EXOC6B: variants seen among roughly 807,000 people sequenced by gnomAD.
The protein encoded by EXOC6B is SEC15 homolog B.
In EXOC6B, 54 loss-of-function variants were observed where a neutral mutation model predicts 113.5. The ratio of observed to expected loss-of-function variants is 0.48; its 90% CI spans 0.38 to 0.60. The LOEUF (loss-of-function observed/expected upper bound fraction) is 0.60, where lower values mean the gene tolerates loss of function less well. Ranked by LOEUF, EXOC6B falls within the 20% of genes least tolerant of loss-of-function variation. The probability of loss-of-function intolerance (pLI) is 0.00; values close to 1 mark genes in which losing one functional copy is unlikely to be tolerated. For missense variants in EXOC6B, 797 were observed against 977.5 expected, an observed-to-expected ratio of 0.82 and a Z score of 2.46; for synonymous variants, 357 against 339.0, an observed-to-expected ratio of 1.05 and a Z score of -0.58.
chr2:72,668,377 G>A (rs1573588254), intron 6 of EXOC6B, among the ~76,000 whole-genome samples: 1 of 151,808 alleles, frequency 6.6e-6, no homozygotes, highest in East Asian at 1.9e-4. Flanking sequence ...AGAAGCAAGA[G>A]TTGAACTACC....
chr2:72,383,204 A>T (rs1451863050), intron 18 of EXOC6B, among the ~76,000 whole-genome samples: 2 of 152,178 alleles, frequency 1.3e-5, no homozygotes, highest in Non-Finnish European at 2.9e-5. Context: ...GAGAAAACAG[A>T]AAACCTACAG....
intron 20 of EXOC6B, among the ~76,000 whole-genome samples, chr2:72,258,262 TTGA>T (rs1683474365): frequency 6.6e-6 from 1 of 152,102 alleles, no homozygotes; most frequent in Admixed American, 6.6e-5. Flanking sequence ...AACGACAGGG[TTGA>T]TGTTTGTTTT....
At chr2:72,465,119 C>A (rs749243251) in intron 18 of EXOC6B, 41 bp downstream of exon 18, 34 of 1,445,992 alleles carry the variant, frequency 2.4e-5, no homozygotes, top group African/African-American at 1.9e-5. Flanking sequence ...ATAAGGAAAT[C>A]TTTTTATATA....
intron 19 of EXOC6B, among the ~76,000 whole-genome samples, chr2:72,375,800 A>G (rs1304596804): frequency 1.3e-5 from 2 of 152,236 alleles, no homozygotes; most frequent in Non-Finnish European, 2.9e-5. Context: ...AGAAAAAAAC[A>G]GTAAAGGTGG....
intron 6 of EXOC6B, among the ~76,000 whole-genome samples, chr2:72,692,714 T>C (rs148896866): frequency 4.7e-4 from 71 of 152,272 alleles, no homozygotes; most frequent in East Asian, 1.7e-3. Flanking sequence ...CTTTTAGTAA[T>C]TGACCCATTT....
chr2:72,823,477 AAC>A (rs1491106988), intron 1 of EXOC6B, among the ~76,000 whole-genome samples: 48 of 110,042 alleles, frequency 4.4e-4, no homozygotes, highest in African/African-American at 1.4e-3. Flanking sequence ...AAAAAAAAAA[AAC>A]AAAAAACAAA....
intron 18 of EXOC6B, among the ~76,000 whole-genome samples, chr2:72,459,652 T>C (rs1300419643): frequency 2.0e-5 from 3 of 152,048 alleles, no homozygotes; most frequent in East Asian, 1.9e-4. Flanking sequence ...TTACAAGGGA[T>C]GTGAAGGACC....
intron 18 of EXOC6B, chr2:72,461,707 G>A (rs547314916): frequency 6.6e-6 from 1 of 151,810 alleles, no homozygotes; most frequent in Non-Finnish European, 1.5e-5. Flanking sequence ...TTCTAAAAGG[G>A]GAATTACATA....
chr2:72,798,872 G>T (rs1234019649), intron 1 of EXOC6B, among the ~76,000 whole-genome samples: 1 of 151,962 alleles, frequency 6.6e-6, no homozygotes, highest in Non-Finnish European at 1.5e-5. Context: ...AACCCTGATG[G>T]TAATATGAGA....
At position 72,670,475 on chromosome 2, in the gene EXOC6B, G is replaced by C. The variant is rs1288577248; in HGVS notation, c.669+47628C>G. ...GGAATTCTGCAATATTTCTCAATTA[G>C]GTCTCTCTTTGTTTAATCAGGCCTA... On this transcript the variant is annotated intron_variant, in intron 6 of 21. Transcript: ENST00000272427. 2.0e-5 allele frequency among the ~76,000 whole-genome samples: 3 copies of C among 152,062 alleles called. No homozygotes were observed. The East Asian group carries it at 5.8e-4, about 29-fold the overall frequency.
intron 19 of EXOC6B, among the ~76,000 whole-genome samples, chr2:72,363,597 C>CTGATGATGATGA (rs565740332): frequency 1.2e-4 from 18 of 151,254 alleles, no homozygotes; most frequent in African/African-American, 4.4e-4. Context: ...ACTGCTGCTA[C>CTGATGATGATGA]TGATGATGAT....
intron 21 of EXOC6B, among the ~76,000 whole-genome samples, chr2:72,180,795 G>A (rs1678030755): frequency 6.6e-6 from 1 of 152,128 alleles, no homozygotes; most frequent in Non-Finnish European, 1.5e-5. Context: ...ATTTATGTTT[G>A]GTATATATGA....
chr2:72,377,675 C>T (rs532792471), intron 19 of EXOC6B, among the ~76,000 whole-genome samples: 22 of 152,190 alleles, frequency 1.4e-4, no homozygotes, highest in African/African-American at 5.1e-4. Context: ...TAGAAGTAGA[C>T]AGCAGAATGG....
chr2:72,824,801 T>A (rs1686800867), intron 1 of EXOC6B, among the ~76,000 whole-genome samples: 3 of 152,082 alleles, frequency 2.0e-5, no homozygotes, highest in Admixed American at 1.3e-4. Context: ...AAACTGGGCT[T>A]AGTGAGTAGT....
At chr2:72,532,572 G>C (rs1423361226) in intron 8 of EXOC6B, among the ~76,000 whole-genome samples, 1 of 152,152 alleles carries the variant, frequency 6.6e-6, no homozygotes, top group African/African-American at 2.4e-5. Context: ...CACTTTGGGA[G>C]GCCGAGGCGG....
chr2:72,465,421 T>C (rs543144695), intron 17 of EXOC6B, 82 bp from the exon 18 acceptor site: 3 of 1,030,222 alleles, frequency 2.9e-6, no homozygotes, highest in Non-Finnish European at 4.2e-6. Flanking sequence ...CCATCTGACA[T>C]ATCCATTAAG....
intron 20 of EXOC6B, among the ~76,000 whole-genome samples, chr2:72,233,382 G>A (rs141527693): frequency 3.2e-4 from 49 of 152,206 alleles, no homozygotes; most frequent in African/African-American, 1.1e-3. Context: ...AGGGCAGAGA[G>A]GAGTGAAGCT....
chr2:72,708,516 GAAAAGCCAAAAC>G (rs1402325977), intron 6 of EXOC6B, among the ~76,000 whole-genome samples: 2 of 152,022 alleles, frequency 1.3e-5, no homozygotes, highest in African/African-American at 4.8e-5. Context: ...CAATATTCTA[GAAAAGCCAAAAC>G]AATGGAGGTG....
At chr2:72,443,118 A>T (rs1696319610) in intron 18 of EXOC6B, among the ~76,000 whole-genome samples, 1 of 152,052 alleles carries the variant, frequency 6.6e-6, no homozygotes, top group Non-Finnish European at 1.5e-5. Context: ...CTAGGTCAGG[A>T]GTTCGAGACC....
Sources: gnomAD v4.1 joint callset for allele counts (sites outside exome capture counted in the v4.1 genomes callset) on GRCh38, gnomAD v4.1.1 for gene constraint, MANE v1.5 for transcripts, NCBI Gene and HGNC (gene_info 2026-07-23, HGNC 2026-07-21) for gene names.